The following PHEX variants were observed in gnomAD, a reference collection of about 807,000 sequenced individuals.
PHEX encodes phosphate-regulating neutral endopeptidase PHEX.
In PHEX, 16 loss-of-function variants were observed where a neutral mutation model predicts 68.0. That is an observed-to-expected ratio of 0.24 (90% CI 0.16 to 0.36). The LOEUF (loss-of-function observed/expected upper bound fraction) is 0.36. Ranked by LOEUF, PHEX falls within the 10% of genes least tolerant of loss-of-function variation. The pLI is 1.00. For synonymous variants in PHEX, 208 were observed against 205.1 expected (o/e 1.01, Z -0.12); for missense variants, 480 against 575.5 (o/e 0.83, Z 1.70).
chrX:22,100,377 A>G (rs1157223460), intron 9 of PHEX, among the ~76,000 whole-genome samples: 2 of 112,102 alleles, frequency 1.8e-5, no homozygotes, highest in Non-Finnish European at 3.8e-5. Flanking sequence ...GGATCACTGT[A>G]TTAGAAAATT....
At chrX:22,198,938 G>T (rs1934462407) in intron 15 of PHEX, among the ~76,000 whole-genome samples, 1 of 111,439 alleles carries the variant, frequency 9.0e-6, no homozygotes, top group Admixed American at 9.5e-5. Flanking sequence ...AGCAGCAAAG[G>T]CATGTCTTAC....
intron 2 of PHEX, among the ~76,000 whole-genome samples, chrX:22,041,263 C>CTATATA (rs1185718846): frequency 3.7e-4 from 24 of 65,347 alleles, no homozygotes; most frequent in Non-Finnish European, 5.7e-4. Flanking sequence ...CTCTCTCTCT[C>CTATATA]TCTATATATA....
intron 2 of PHEX, among the ~76,000 whole-genome samples, chrX:22,039,313 T>C (rs1927168604): frequency 1.8e-5 from 2 of 112,286 alleles, no homozygotes; most frequent in Admixed American, 1.9e-4. Context: ...AAACTTCTCT[T>C]GAGGTGACCA....
At chrX:22,041,265 C>CTCTCTCTCTCTCTCTCTATA (rs1468778300) in intron 2 of PHEX, among the ~76,000 whole-genome samples, 3 of 72,825 alleles carry the variant, frequency 4.1e-5, no homozygotes, top group African/African-American at 1.3e-4. Flanking sequence ...CTCTCTCTCT[C>CTCTCTCTCTCTCTCTCTATA]TATATATATA....
intron 18 of PHEX, among the ~76,000 whole-genome samples, chrX:22,225,706 AGTT>A (rs1438257315): frequency 2.7e-5 from 3 of 112,303 alleles, no homozygotes; most frequent in Non-Finnish European, 5.6e-5. Flanking sequence ...ATTTTTCCCC[AGTT>A]GTTGAAGTAT....
chrX:22,221,479 C>T, intron 17 of PHEX, 134 bp from the exon 18 acceptor site: 1 of 531,344 alleles, frequency 1.9e-6, no homozygotes, highest in South Asian at 2.7e-5. Context: ...GGAGAGAATG[C>T]AGGAGCTGAT....
intron 3 of PHEX, among the ~76,000 whole-genome samples, chrX:22,057,594 GA>G (rs1193293815): frequency 9.5e-6 from 1 of 105,019 alleles, no homozygotes; most frequent in Non-Finnish European, 2.0e-5. Flanking sequence ...CGATCTCAAA[GA>G]AAAAAAAAAG....
chrX:22,039,606 G>A (rs1382002306), intron 2 of PHEX, among the ~76,000 whole-genome samples: 1 of 112,405 alleles, frequency 8.9e-6, no homozygotes, highest in African/African-American at 3.2e-5. Context: ...AGAGAAAAGG[G>A]GTGTTCTACT....
rs1170972514 is a variant in PHEX at position 22,157,041 on chromosome X, C to T, written c.1405-11271C>T. Among the ~76,000 whole-genome samples the T allele has an allele frequency of 4.5e-5, 5 of 111,283 alleles. No individual in the cohort carries two copies. The Admixed American group carries it at 4.8e-4, about 11-fold the overall frequency. ...GGGATTTCAGGTGCAAGCCACCACG[C>T]CCAGCTAATTTTTGTATTTTTAGTA... On this transcript the variant is annotated intron_variant, in intron 12 of 21. Coordinates refer to ENST00000379374, the MANE Select transcript of PHEX (RefSeq NM_000444.6).
At chrX:22,080,328 G>A (rs1332656777) in intron 5 of PHEX, among the ~76,000 whole-genome samples, 1 of 111,880 alleles carries the variant, frequency 8.9e-6, no homozygotes, top group Non-Finnish European at 1.9e-5. Context: ...TTTGAACATT[G>A]TTTGGCATTT....
At chrX:22,073,503 T>G (rs936397245) in intron 3 of PHEX, among the ~76,000 whole-genome samples, 1 of 111,583 alleles carries the variant, frequency 9.0e-6, no homozygotes, top group African/African-American at 3.3e-5. Flanking sequence ...GTCTATTATG[T>G]TGCCTTTAAA....
chrX:22,233,729 C>G (rs1935854980), intron 20 of PHEX, among the ~76,000 whole-genome samples: 1 of 111,526 alleles, frequency 9.0e-6, no homozygotes, highest in South Asian at 3.8e-4. Flanking sequence ...TTTCAAGGTT[C>G]TTAGCTTCCT....
intron 9 of PHEX, among the ~76,000 whole-genome samples, chrX:22,106,658 C>G (rs1187612039): frequency 1.8e-5 from 2 of 109,983 alleles, no homozygotes; most frequent in Non-Finnish European, 3.8e-5. Context: ...CCTGTAGTCC[C>G]AGCTACTTGG....
chrX:22,124,700 T>A (rs1931641305), intron 11 of PHEX, among the ~76,000 whole-genome samples: 1 of 111,851 alleles, frequency 8.9e-6, no homozygotes, highest in Non-Finnish European at 1.9e-5. Context: ...GTTATAAAAT[T>A]AGAACACAGC....
At chrX:22,058,546 G>A (rs1413721105) in intron 3 of PHEX, among the ~76,000 whole-genome samples, 1 of 111,976 alleles carries the variant, frequency 8.9e-6, no homozygotes, top group East Asian at 2.8e-4. Flanking sequence ...AAGAGGCAAG[G>A]CTGGAGATAA....
intron 15 of PHEX, among the ~76,000 whole-genome samples, chrX:22,198,895 G>C (rs1017993484): frequency 6.3e-5 from 7 of 111,673 alleles, no homozygotes; most frequent in African/African-American, 2.3e-4. Context: ...CCACATGGCT[G>C]GGAGGCCTCA....
At chrX:22,208,174 C>T (rs1934773691) in intron 15 of PHEX, among the ~76,000 whole-genome samples, 1 of 109,893 alleles carries the variant, frequency 9.1e-6, no homozygotes, top group Non-Finnish European at 1.9e-5. Context: ...TTTTTACGAG[C>T]CACCACCCCA....
At chrX:22,219,704 G>A (rs1602403147) in intron 17 of PHEX, among the ~76,000 whole-genome samples, 2 of 111,392 alleles carry the variant, frequency 1.8e-5, no homozygotes, top group South Asian at 3.8e-4. Flanking sequence ...CTGCAACCTC[G>A]GCCTCCCGTG....
chrX:22,190,462 G>A lies in PHEX; in HGVS notation c.1605G>A (p.Thr535=), dbSNP rs1455001793. ...VPKTEWFTNP[T]TVNAFYSAST... ...TCTACAGGTGGTTTACAAATCCGAC[G>A]ACTGTCAATGCCTTCTACAGTGCAT... The change falls in exon 15 of 22, where the codon ACG becomes ACA. Residue 535 remains threonine (T), a synonymous_variant. Coordinates refer to ENST00000379374, the MANE Select transcript of PHEX (RefSeq NM_000444.6). 7 of 1,198,488 alleles carry A rather than the reference G, an allele frequency of 5.8e-6. No homozygotes were observed. The highest frequency in any genetic ancestry group is 1.8e-5 in the South Asian group (1 of 56,555).
Sources: allele counts gnomAD v4.1 joint callset (sites outside exome capture counted in the v4.1 genomes callset), GRCh38; gene constraint gnomAD v4.1.1; transcripts MANE v1.5; gene names NCBI Gene and HGNC (gene_info 2026-07-23, HGNC 2026-07-21).